Variants in EPS15 observed in about 807,000 individuals in gnomAD.
EPS15 encodes the protein epidermal growth factor receptor pathway substrate 15.
In EPS15, 72 loss-of-function variants were observed where a neutral mutation model predicts 113.8. The observed-to-expected ratio is 0.63, with a 90% CI of 0.52 to 0.77. The LOEUF (loss-of-function observed/expected upper bound fraction) is 0.77, where lower values mean the gene tolerates loss of function less well. Ranked by LOEUF, EPS15 falls within the 30% of genes least tolerant of loss-of-function variation. The pLI, the probability that EPS15 is intolerant of heterozygous loss-of-function variation, is 0.00. For synonymous variants in EPS15, 344 were observed against 363.4 expected (o/e 0.95, Z 0.61); for missense variants, 1,048 against 1,045.8 (o/e 1.00, Z -0.03).
intron 1 of EPS15, among the ~76,000 whole-genome samples, chr1:51,505,002 TC>T (rs1270780863): frequency 3.9e-5 from 6 of 152,060 alleles, no homozygotes; most frequent in African/African-American, 1.4e-4. Flanking sequence ...ATACCTGTAG[TC>T]CCAGCTACTC....
chr1:51,383,074 T>C (rs1219447635), intron 21 of EPS15, among the ~76,000 whole-genome samples: 1 of 152,108 alleles, frequency 6.6e-6, no homozygotes, highest in Non-Finnish European at 1.5e-5. Context: ...TGGTTCAACA[T>C]ACAAAAATCA....
intron 21 of EPS15, chr1:51,372,489 G>A (rs1189947618): frequency 1.9e-6 from 1 of 533,184 alleles, no homozygotes. Context: ...TGATTATTTG[G>A]AAAACATGTA....
intron 21 of EPS15, among the ~76,000 whole-genome samples, chr1:51,383,252 T>TGAAAA (rs1406212689): frequency 1.3e-5 from 2 of 152,216 alleles, no homozygotes; most frequent in African/African-American, 4.8e-5. Context: ...AGGCTATATA[T>TGAAAA]GAAAAGCCAA....
chr1:51,399,044 G>T lies in EPS15; in HGVS notation c.2040C>A (p.Ser680Arg). The T allele has an allele frequency of 6.2e-7, 1 of 1,613,356 alleles. No homozygotes were observed. Among genetic ancestry groups the T allele is most frequent in the East Asian group, 2.2e-5 (1 of 44,868 alleles). Residue 680 changes from serine (S) to arginine (R), a missense_variant, in exon 20 of 25, where the codon AGC becomes AGA. Ser to Arg is a moderately radical substitution (Grantham distance 110). Transcript: ENST00000371733. ...STDPFSAANN[S>R]SITSVETLKH... The stretch of plus-strand genomic sequence containing the variant: ...TTCTCCCACTTACCGATGTAATACT[G>T]CTATTGTTGGCTGCACTGAAAGGGT...
At chr1:51,430,625 A>G (rs1651630601) in intron 12 of EPS15, among the ~76,000 whole-genome samples, 1 of 151,902 alleles carries the variant, frequency 6.6e-6, no homozygotes, top group Non-Finnish European at 1.5e-5. Flanking sequence ...TTAAAGTTTG[A>G]GAACAAAGAC....
chr1:51,471,388 T>A (rs1428967259), intron 4 of EPS15, among the ~76,000 whole-genome samples: 1 of 152,212 alleles, frequency 6.6e-6, no homozygotes, highest in African/African-American at 2.4e-5. Context: ...TCTTAACACT[T>A]ACTTAATAAC....
chr1:51,445,706 G>A (rs1652987306), intron 10 of EPS15, among the ~76,000 whole-genome samples: 1 of 151,592 alleles, frequency 6.6e-6, no homozygotes, highest in Non-Finnish European at 1.5e-5. Context: ...GGCCAGTAGG[G>A]CCTGATGAAA....
intron 20 of EPS15, among the ~76,000 whole-genome samples, chr1:51,395,001 T>C (rs774948851): frequency 7.9e-5 from 12 of 152,068 alleles, no homozygotes; most frequent in Non-Finnish European, 1.3e-4. Context: ...CCTGAATAGC[T>C]GGGACCGCAG....
intron 8 of EPS15, chr1:51,459,233 A>C (rs1654247167): frequency 6.6e-6 from 1 of 152,286 alleles, no homozygotes; most frequent in Admixed American, 6.5e-5. Flanking sequence ...GCAGTGGCTC[A>C]CGCCTGTAAT....
chr1:51,504,964 T>C (rs1378740024), intron 1 of EPS15, among the ~76,000 whole-genome samples: 1 of 151,948 alleles, frequency 6.6e-6, no homozygotes, highest in Non-Finnish European at 1.5e-5. Context: ...CTACTAAAAA[T>C]ACAAAAATTA....
chr1:51,355,990 C>T lies in EPS15; in HGVS notation c.*710G>A, dbSNP rs1646209773. ...ACTGATTTTTATTAATTAGCAAACA[C>T]ACTGAGAGGTATCTGTTGATCTAAA... On this transcript the variant is annotated 3_prime_UTR_variant, in exon 25 of 25. Coordinates refer to ENST00000371733, the MANE Select transcript of EPS15 (RefSeq NM_001981.3). 5.2e-6 allele frequency: 1 copy of T among 192,718 alleles called. No individual in the cohort carries two copies. The highest frequency in any genetic ancestry group is 6.1e-5 in the Admixed American group (1 of 16,360). 11.9% of individuals were successfully genotyped at this position (192,718 alleles called of 1,614,324 possible).
chr1:51,403,655 A>T, intron 16 of EPS15, 123 bp from the exon 17 acceptor site: 1 of 531,060 alleles, frequency 1.9e-6, no homozygotes, highest in South Asian at 3.2e-5. Context: ...TTCATCAAAT[A>T]ACTTCTCCTT....
chr1:51,477,087 A>G (rs928925684), intron 2 of EPS15, among the ~76,000 whole-genome samples: 3 of 152,010 alleles, frequency 2.0e-5, no homozygotes. Flanking sequence ...CTGGTCCTGG[A>G]CTTTTTTTGG....
chr1:51,498,108 A>G (rs537231726), intron 1 of EPS15, among the ~76,000 whole-genome samples: 1 of 152,234 alleles, frequency 6.6e-6, no homozygotes, highest in South Asian at 2.1e-4. Flanking sequence ...TAACAATGTC[A>G]CTTCTCTATA....
chr1:51,446,453 CTTTTT>C (rs370161989), intron 10 of EPS15, among the ~76,000 whole-genome samples: 1 of 132,250 alleles, frequency 7.6e-6, no homozygotes. Flanking sequence ...CACTGTCATT[CTTTTT>C]TTTTTTTTTT....
chr1:51,383,057 A>G (rs1646977280), intron 21 of EPS15, among the ~76,000 whole-genome samples: 8 of 152,260 alleles, frequency 5.3e-5, no homozygotes. Flanking sequence ...TTCCTGGAAT[A>G]TAAGAATGGT....
At chr1:51,450,538 A>C (rs1473897856) in intron 8 of EPS15, among the ~76,000 whole-genome samples, 1 of 151,838 alleles carries the variant, frequency 6.6e-6, no homozygotes, top group Non-Finnish European at 1.5e-5. Flanking sequence ...TATACATGTT[A>C]ATAAACTTCT....
chr1:51,380,936 G>T (rs1646926572), intron 21 of EPS15, among the ~76,000 whole-genome samples: 1 of 152,166 alleles, frequency 6.6e-6, no homozygotes, highest in East Asian at 1.9e-4. Flanking sequence ...TGTTACAAGA[G>T]ACAAAGATGG....
intron 1 of EPS15, among the ~76,000 whole-genome samples, chr1:51,515,374 G>A (rs1274051655): frequency 1.3e-5 from 2 of 151,864 alleles, no homozygotes; most frequent in African/African-American, 4.8e-5. Context: ...TCAGGAGGCT[G>A]AAATGGGAGG....
Sources: gnomAD v4.1 joint callset for allele counts (sites outside exome capture counted in the v4.1 genomes callset) on GRCh38, gnomAD v4.1.1 for gene constraint, MANE v1.5 for transcripts, NCBI Gene and HGNC (gene_info 2026-07-23, HGNC 2026-07-21) for gene names.